Variants in COL22A1 observed in about 807,000 individuals in gnomAD.
COL22A1 encodes collagen type XXII alpha 1 chain, also known as collagen alpha-1(XXII) chain.
Under a neutral mutation model 248.9 loss-of-function variants are expected in COL22A1, and 221 were observed. The ratio of observed to expected loss-of-function variants is 0.89; its 90% confidence interval spans 0.80 to 0.99. The LOEUF is 0.99. Among genes scored for constraint, COL22A1 ranks in the 50% least tolerant of loss-of-function variants. COL22A1 has a pLI of 0.00. For missense variants in COL22A1, 2,240 were observed against 2,179.0 expected, an observed-to-expected ratio of 1.03 and a Z score of -0.56; for synonymous variants, 891 against 793.4, an observed-to-expected ratio of 1.12 and a Z score of -2.07.
intron 60 of COL22A1, among the ~76,000 whole-genome samples, chr8:138,599,610 A>G (rs1817837410): frequency 6.6e-6 from 1 of 152,198 alleles, no homozygotes; most frequent in Non-Finnish European, 1.5e-5. Flanking sequence ...CTATAGTCCC[A>G]GCTACTTGGA....
chr8:138,824,426 T>C (rs1039988980), intron 6 of COL22A1, among the ~76,000 whole-genome samples: 1 of 152,196 alleles, frequency 6.6e-6, no homozygotes, highest in Non-Finnish European at 1.5e-5. Context: ...ATCTCTCTAT[T>C]ACTGCCGGCA....
At chr8:138,702,714 A>G (rs1224000424) in intron 31 of COL22A1, among the ~76,000 whole-genome samples, 2 of 152,224 alleles carry the variant, frequency 1.3e-5, no homozygotes, top group Non-Finnish European at 2.9e-5. Context: ...AATATTTATA[A>G]TGCACCAGAA....
chr8:138,650,098 C>A (rs192755429), intron 45 of COL22A1, among the ~76,000 whole-genome samples: 15 of 152,276 alleles, frequency 9.9e-5, no homozygotes, highest in Admixed American at 9.2e-4. Context: ...GTAAAATGAT[C>A]TGTGAGCAGC....
At chr8:138,871,939 C>T (rs1823377612) in intron 3 of COL22A1, among the ~76,000 whole-genome samples, 2 of 152,282 alleles carry the variant, frequency 1.3e-5, no homozygotes, top group South Asian at 4.2e-4. Context: ...GAGAGCCCCT[C>T]CATAAGTATC....
At chr8:138,878,353 G>A (rs1202301589) in intron 2 of COL22A1, 37 bp from the exon 3 acceptor site, 2 of 1,460,812 alleles carry the variant, frequency 1.4e-6, no homozygotes, top group East Asian at 5.0e-5. Context: ...TAGGGCAAAT[G>A]GGCATGGAAA....
At chr8:138,643,655 T>TAGAC (rs1415675917) in intron 47 of COL22A1, among the ~76,000 whole-genome samples, 4 of 109,676 alleles carry the variant, frequency 3.6e-5, no homozygotes, top group African/African-American at 9.0e-5. Flanking sequence ...GATAGACAGA[T>TAGAC]AGATAGATAG....
intron 10 of COL22A1, among the ~76,000 whole-genome samples, chr8:138,805,103 GTGTGTGTGTGATGGTGTA>G (rs1817386025): frequency 6.9e-6 from 1 of 144,128 alleles, no homozygotes; most frequent in Admixed American, 6.9e-5. Flanking sequence ...GTGTATGGTG[GTGTGTGTGTGATGGTGTA>G]TGTATGTGTG....
chr8:138,602,465 C>A (rs1280226137), intron 59 of COL22A1, among the ~76,000 whole-genome samples: 1 of 152,140 alleles, frequency 6.6e-6, no homozygotes, highest in African/African-American at 2.4e-5. Flanking sequence ...GTCCAGGAGG[C>A]CCTGCACGAA....
intron 23 of COL22A1, among the ~76,000 whole-genome samples, chr8:138,726,217 C>A (rs1830295018): frequency 6.6e-6 from 1 of 151,872 alleles, no homozygotes; most frequent in Non-Finnish European, 1.5e-5. Flanking sequence ...AAGGGCTGGG[C>A]ATGGTGGCTC....
intron 3 of COL22A1, among the ~76,000 whole-genome samples, chr8:138,858,797 G>C (rs1822233982): frequency 6.6e-6 from 1 of 152,164 alleles, no homozygotes; most frequent in Admixed American, 6.5e-5. Context: ...ATTGTGAGTA[G>C]AAGGAGCTGC....
At chr8:138,882,399 A>C (rs1824278694) in intron 2 of COL22A1, among the ~76,000 whole-genome samples, 1 of 102,970 alleles carries the variant, frequency 9.7e-6, no homozygotes, top group Non-Finnish European at 2.2e-5. Context: ...CATTACCTCA[A>C]ACTCACACAT....
intron 15 of COL22A1, among the ~76,000 whole-genome samples, chr8:138,776,883 A>G (rs1296827494): frequency 1.3e-5 from 2 of 152,152 alleles, no homozygotes; most frequent in Non-Finnish European, 2.9e-5. Context: ...GGAATCTTCT[A>G]GGGGTTGTGT....
intron 17 of COL22A1, among the ~76,000 whole-genome samples, chr8:138,760,658 A>G (rs1306469227): frequency 2.0e-5 from 3 of 152,078 alleles, no homozygotes; most frequent in Admixed American, 2.0e-4. Flanking sequence ...GGTGGAGTTG[A>G]AGGAAATCCT....
In COL22A1 at chr8:138,631,390, A is replaced by G. The variant is rs1820709687; in HGVS notation, c.3610-642T>C. Among the ~76,000 whole-genome samples, 3 of 152,206 alleles carry G rather than the reference A, an allele frequency of 2.0e-5. 1 individual carries two copies. The highest frequency in any genetic ancestry group is 7.2e-5 in the African/African-American group (3 of 41,452). On this transcript the variant is annotated intron_variant, in intron 49 of 64. Transcript: ENST00000303045. The stretch of plus-strand genomic sequence containing the variant: ...TCCACATTTTAGGACGGGCCAATGC[A>G]TTAGCCAGGCAGTCACCCCTTTGAA...
At chr8:138,808,730 C>G (rs1180067413) in intron 9 of COL22A1, among the ~76,000 whole-genome samples, 1 of 152,250 alleles carries the variant, frequency 6.6e-6, no homozygotes, top group Non-Finnish European at 1.5e-5. Flanking sequence ...TAACAGCAAT[C>G]TACACTCTGG....
chr8:138,644,928 A>G (rs916836177), intron 47 of COL22A1, among the ~76,000 whole-genome samples: 1 of 152,194 alleles, frequency 6.6e-6, no homozygotes, highest in African/African-American at 2.4e-5. Context: ...TGAGAAATAA[A>G]GATCTCCTTT....
intron 10 of COL22A1, among the ~76,000 whole-genome samples, chr8:138,807,176 A>T (rs1323007652): frequency 6.6e-6 from 1 of 152,044 alleles, no homozygotes; most frequent in Non-Finnish European, 1.5e-5. Flanking sequence ...AAAGAAAGGG[A>T]GGGGAGGGAG....
rs371827946 is a variant in COL22A1, at chr8:138,589,142, GA to G, written c.*110del. On this transcript the variant is annotated 3_prime_UTR_variant, in exon 65 of 65. Transcript: ENST00000303045. ...AACAAAAAGCAAACGATAAAAGAAA[GA>G]AAAAAAAAAGGAACACATGGCTGAA... is the stretch of plus-strand genomic sequence containing the variant. 1.7e-3 allele frequency: 1,510 copies of G among 894,690 alleles called. 1 individual carries two copies. The highest frequency in any genetic ancestry group is 2.0e-3 in the Non-Finnish European group (1,209 of 613,414). The allele number at this position is 894,690 out of a possible 1,614,324, so 55.4% of individuals were successfully genotyped here. A position where few individuals can be genotyped will look rare whatever the true frequency, so the allele number is the denominator to read the frequency against.
intron 6 of COL22A1, among the ~76,000 whole-genome samples, chr8:138,824,970 A>AC (rs1317074879): frequency 5.9e-5 from 9 of 152,276 alleles, no homozygotes; most frequent in Admixed American, 6.5e-5. Context: ...GAAGGAGGGG[A>AC]AGATGCACAC....
Sources: allele counts gnomAD v4.1 joint callset (sites outside exome capture counted in the v4.1 genomes callset), GRCh38; gene constraint gnomAD v4.1.1; transcripts MANE v1.5; gene names NCBI Gene and HGNC (gene_info 2026-07-23, HGNC 2026-07-21).